Variants in ARHGAP42 observed in about 807,000 individuals in gnomAD.
ARHGAP42 encodes the protein rho GTPase-activating protein 42.
ARHGAP42 carries 63 observed loss-of-function variants against 125.0 expected under a neutral mutation model. The ratio of observed to expected loss-of-function variants is 0.50; its 90% confidence interval spans 0.41 to 0.62. ARHGAP42 has a LOEUF of 0.62. ARHGAP42 is among the 20% of genes least tolerant of loss of function. The pLI is 0.00. For synonymous variants in ARHGAP42, 339 were observed against 351.0 expected, an observed-to-expected ratio of 0.97 and a Z score of 0.38; for missense variants, 766 against 1,024.2, an observed-to-expected ratio of 0.75 and a Z score of 3.44.
At chr11:100,875,045 G>A (rs1311609124) in intron 4 of ARHGAP42, among the ~76,000 whole-genome samples, 3 of 147,584 alleles carry the variant, frequency 2.0e-5, no homozygotes, top group African/African-American at 5.0e-5. Flanking sequence ...GCAAGGGTTG[G>A]CAAACTGCTG....
In ARHGAP42 at chr11:100,874,409, T is replaced by C. The variant is rs572620631; in HGVS notation, c.384+14784T>C. On this transcript the variant is annotated intron_variant, in intron 4 of 23. Coordinates refer to ENST00000298815, the MANE Select transcript of ARHGAP42 (RefSeq NM_152432.4). Reference sequence around the variant, plus strand: ...ACATCCAGACCATAGCAGTGATAAATTTTGTTTACTGTCAATGTCTGTTAC... The same window carrying C: ...ACATCCAGACCATAGCAGTGATAAACTTTGTTTACTGTCAATGTCTGTTAC... 4.9e-4 allele frequency among the ~76,000 whole-genome samples: 74 copies of C among 152,334 alleles called. No individual in the cohort carries two copies. In the South Asian group the frequency reaches 7.7e-3, roughly 16 times the overall value.
At chr11:100,715,830 G>A (rs560980188) in intron 1 of ARHGAP42, among the ~76,000 whole-genome samples, 1 of 152,304 alleles carries the variant, frequency 6.6e-6, no homozygotes, top group Non-Finnish European at 1.5e-5. Flanking sequence ...AGGAAGCAAT[G>A]ATTTATATTC....
chr11:100,985,797 C>T (rs1217048973), intron 22 of ARHGAP42, among the ~76,000 whole-genome samples: 4 of 152,204 alleles, frequency 2.6e-5, no homozygotes, highest in Admixed American at 6.5e-5. Flanking sequence ...ACCTTCCAAT[C>T]TTCAGATAGT....
chr11:100,913,999 C>T (rs1019217065), intron 5 of ARHGAP42, among the ~76,000 whole-genome samples: 7 of 152,018 alleles, frequency 4.6e-5, no homozygotes, highest in African/African-American at 1.4e-4. Flanking sequence ...CAGTGGTGCA[C>T]TCTCAGCTCA....
intron 12 of ARHGAP42, 51 bp downstream of exon 12, chr11:100,950,007 C>A: frequency 8.7e-7 from 1 of 1,149,354 alleles, no homozygotes; most frequent in Non-Finnish European, 1.2e-6. Flanking sequence ...TTATTTTTAA[C>A]ACAAAAGCAT....
At chr11:100,799,766 G>A (rs1360945697) in intron 3 of ARHGAP42, among the ~76,000 whole-genome samples, 1 of 152,186 alleles carries the variant, frequency 6.6e-6, no homozygotes, top group African/African-American at 2.4e-5. Context: ...TAGTTTTTGG[G>A]AGGAAAGAGA....
At chr11:100,702,635 T>G (rs12269905) in intron 1 of ARHGAP42, among the ~76,000 whole-genome samples, 75,966 of 147,118 alleles carry the variant, frequency 0.52, 20,533 homozygotes, top group African/African-American at 0.69. Context: ...CTTTCAATTT[T>G]AATAGAAACA....
Position 100,851,454 on chromosome 11 carries a change from A to G in ARHGAP42, c.313-8100A>G, listed in dbSNP as rs530774940. Among the ~76,000 whole-genome samples the G allele has an allele frequency of 4.6e-4, 70 of 152,308 alleles. 1 individual carries two copies. Among genetic ancestry groups the G allele is most frequent in the South Asian group, 1.7e-3 (8 of 4,826 alleles). On this transcript the variant is annotated intron_variant, in intron 3 of 23. Transcript: ENST00000298815. The stretch of plus-strand genomic sequence containing the variant: ...CATAGCTGCCTTAACATCATAGTGC[A>G]ATACATTACGTGTTTCTGGTGATGC...
chr11:100,693,338 C>T (rs1245264669), intron 1 of ARHGAP42, among the ~76,000 whole-genome samples: 3 of 152,070 alleles, frequency 2.0e-5, no homozygotes, highest in Non-Finnish European at 4.4e-5. Context: ...GTTAAATGAG[C>T]AGAAGTAATT....
chr11:100,804,026 C>T (rs1429452815), intron 3 of ARHGAP42, among the ~76,000 whole-genome samples: 1 of 152,234 alleles, frequency 6.6e-6, no homozygotes, highest in Non-Finnish European at 1.5e-5. Flanking sequence ...GAATCTCACT[C>T]TGTCACCTGG....
chr11:100,877,652 G>A (rs1865851516), intron 4 of ARHGAP42, among the ~76,000 whole-genome samples: 1 of 152,130 alleles, frequency 6.6e-6, no homozygotes, highest in Non-Finnish European at 1.5e-5. Flanking sequence ...TTTGAATCCT[G>A]GCTCTGCTGT....
intron 3 of ARHGAP42, among the ~76,000 whole-genome samples, chr11:100,803,347 A>C (rs1166857828): frequency 6.6e-6 from 1 of 152,166 alleles, no homozygotes; most frequent in East Asian, 1.9e-4. Flanking sequence ...GGAGTTGTCA[A>C]CATGTGTGAG....
intron 8 of ARHGAP42, among the ~76,000 whole-genome samples, chr11:100,940,413 AC>A (rs1331020062): frequency 6.6e-6 from 1 of 152,074 alleles, no homozygotes; most frequent in Non-Finnish European, 1.5e-5. Context: ...TTTTCGATCC[AC>A]TCAGTCCACT....
At chr11:100,720,268 A>G (rs2120266534) in intron 1 of ARHGAP42, among the ~76,000 whole-genome samples, 1 of 152,300 alleles carries the variant, frequency 6.6e-6, no homozygotes, top group Middle Eastern at 3.4e-3. Context: ...ATCTGGCAGA[A>G]TTAAATGGAT....
chr11:100,849,016 T>A (rs982449045), intron 3 of ARHGAP42, among the ~76,000 whole-genome samples: 3 of 152,152 alleles, frequency 2.0e-5, no homozygotes, highest in Non-Finnish European at 2.9e-5. Flanking sequence ...TGGAGAAGAA[T>A]CTTAAACAGC....
intron 3 of ARHGAP42, among the ~76,000 whole-genome samples, chr11:100,848,066 A>G (rs1436574626): frequency 2.6e-5 from 4 of 152,150 alleles, no homozygotes; most frequent in Non-Finnish European, 4.4e-5. Context: ...GGCTGTTAAG[A>G]TAACACCTAG....
intron 17 of ARHGAP42, among the ~76,000 whole-genome samples, chr11:100,969,179 G>C (rs12417750): frequency 0.092 from 14,042 of 151,890 alleles, 932 homozygotes; most frequent in Non-Finnish European, 0.13. Flanking sequence ...TTTTGAATAT[G>C]CCATCCCTCT....
At chr11:100,872,162 C>T (rs973169494) in intron 4 of ARHGAP42, among the ~76,000 whole-genome samples, 8 of 152,022 alleles carry the variant, frequency 5.3e-5, no homozygotes, top group African/African-American at 1.5e-4. Context: ...ATATGAAGCC[C>T]CCAAAGAGTA....
At chr11:100,963,752 C>T (rs1202314980) in intron 16 of ARHGAP42, among the ~76,000 whole-genome samples, 3 of 152,142 alleles carry the variant, frequency 2.0e-5, no homozygotes, top group African/African-American at 7.2e-5. Context: ...ACTAGGAAAT[C>T]AGGACACAAA....
Sources: allele counts gnomAD v4.1 joint callset (sites outside exome capture counted in the v4.1 genomes callset), GRCh38; gene constraint gnomAD v4.1.1; transcripts MANE v1.5; gene names NCBI Gene and HGNC (gene_info 2026-07-23, HGNC 2026-07-21).